Variants in BICD1 observed in about 807,000 individuals in gnomAD.
BICD1 encodes BICD cargo adaptor 1.
In BICD1, 35 loss-of-function variants were observed where a neutral mutation model predicts 92.5. The observed-to-expected ratio is 0.38, with a 90% CI of 0.29 to 0.50. BICD1 has a LOEUF of 0.50. BICD1 is among the 20% of genes least tolerant of loss of function. The pLI is 0.93. For synonymous variants in BICD1, 429 were observed against 465.1 expected, an observed-to-expected ratio of 0.92 and a Z score of 1.00; for missense variants, 950 against 1,189.8, an observed-to-expected ratio of 0.80 and a Z score of 2.97.
intron 2 of BICD1, among the ~76,000 whole-genome samples, chr12:32,282,022 GATT>G (rs1261340011): frequency 1.3e-5 from 2 of 152,100 alleles, no homozygotes; most frequent in African/African-American, 2.4e-5. Flanking sequence ...ACTAAAATCA[GATT>G]ATGTGAGTGT....
At chr12:32,115,162 T>C (rs1178733804) in intron 1 of BICD1, among the ~76,000 whole-genome samples, 2 of 152,204 alleles carry the variant, frequency 1.3e-5, no homozygotes, top group African/African-American at 4.8e-5. Flanking sequence ...CAGCCTTTTC[T>C]ATTTTTCATT....
chr12:32,289,980 GA>G (rs563036475), intron 2 of BICD1, among the ~76,000 whole-genome samples: 181 of 152,248 alleles, frequency 1.2e-3, no homozygotes, highest in African/African-American at 4.0e-3. Flanking sequence ...AAAACAGAGG[GA>G]AGCTGTAAAG....
intron 2 of BICD1, among the ~76,000 whole-genome samples, chr12:32,235,711 T>C (rs142022739): frequency 0.12 from 18,136 of 150,814 alleles, 1,787 homozygotes; most frequent in African/African-American, 0.27. Context: ...TCTTTTTTTT[T>C]TTTTTTTTAG....
intron 2 of BICD1, among the ~76,000 whole-genome samples, chr12:32,231,014 A>T (rs939639617): frequency 7.9e-5 from 12 of 152,214 alleles, no homozygotes; most frequent in Admixed American, 3.9e-4. Context: ...TGATTTGGAA[A>T]GTGATATTAT....
chr12:32,218,900 A>G (rs2121558338), intron 2 of BICD1, among the ~76,000 whole-genome samples: 1 of 152,322 alleles, frequency 6.6e-6, no homozygotes, highest in Middle Eastern at 3.4e-3. Flanking sequence ...GAGAATTATT[A>G]TTAACATTTA....
intron 1 of BICD1, among the ~76,000 whole-genome samples, chr12:32,133,867 C>T (rs144139048): frequency 0.016 from 2,442 of 151,586 alleles, 24 homozygotes; most frequent in African/African-American, 0.026. Flanking sequence ...CTGCAACCTC[C>T]GCCTCCCGGG....
At chr12:32,182,943 G>A (rs1166805861) in intron 1 of BICD1, among the ~76,000 whole-genome samples, 3 of 140,894 alleles carry the variant, frequency 2.1e-5, no homozygotes, top group East Asian at 4.2e-4. Flanking sequence ...TGACAAGGCT[G>A]GAATGCAGTG....
rs530606086 is a variant in BICD1, at chr12:32,178,666, C to T, written c.214-37581C>T. 1.1e-4 allele frequency among the ~76,000 whole-genome samples: 16 copies of T among 152,084 alleles called. 1 individual carries two copies. Among genetic ancestry groups the T allele is most frequent in the Admixed American group, 2.6e-4 (4 of 15,256 alleles). On this transcript the variant is annotated intron_variant, in intron 1 of 9. Transcript: ENST00000652176. ...TTGATTCAAGTTGGAGCCACTGCTC[C>T]GGGCTGTTCTATCTAGTGGATGGAC...
intron 1 of BICD1, among the ~76,000 whole-genome samples, chr12:32,160,737 G>A (rs1168326505): frequency 6.6e-6 from 1 of 152,180 alleles, no homozygotes; most frequent in Non-Finnish European, 1.5e-5. Context: ...AGTAAGGTGG[G>A]TAGATATTCC....
chr12:32,369,221 A>G (rs187696176), intron 9 of BICD1, among the ~76,000 whole-genome samples: 20 of 152,324 alleles, frequency 1.3e-4, no homozygotes, highest in African/African-American at 4.6e-4. Flanking sequence ...GAACCTCCAC[A>G]CAGCGTCTCA....
chr12:32,273,573 A>G (rs1947198192), intron 2 of BICD1, among the ~76,000 whole-genome samples: 1 of 152,212 alleles, frequency 6.6e-6, no homozygotes, highest in Admixed American at 6.5e-5. Flanking sequence ...CTGAAACTGG[A>G]TGATTAAACC....
rs901290436 is a variant in BICD1 at position 32,313,662 on chromosome 12, A to G, written c.1005+7540A>G. On this transcript the variant is annotated intron_variant, in intron 4 of 9. Coordinates refer to ENST00000652176, the MANE Select transcript of BICD1 (RefSeq NM_001714.4). The surrounding 1 kb of genome is among the most constrained non-coding windows in gnomAD (Gnocchi z 4.2). ...TACAAAGCTGACAAATGGCTAAACT[A>G]TTACAGATTTTATAGTTAGAGATTA... is the stretch of plus-strand genomic sequence containing the variant. Among the ~76,000 whole-genome samples, 4 of 152,222 alleles carry G rather than the reference A, an allele frequency of 2.6e-5. No individual in the cohort carries two copies. The highest frequency in any genetic ancestry group is 7.2e-5 in the African/African-American group (3 of 41,452).
chr12:32,215,034 G>T (rs546800165), intron 1 of BICD1, among the ~76,000 whole-genome samples: 2 of 152,272 alleles, frequency 1.3e-5, no homozygotes, highest in East Asian at 3.9e-4. Flanking sequence ...TTTGAGACCA[G>T]CCTGGCCAAC....
chr12:32,230,204 A>T (rs1945835884), intron 2 of BICD1, among the ~76,000 whole-genome samples: 1 of 151,944 alleles, frequency 6.6e-6, no homozygotes, highest in African/African-American at 2.4e-5. Context: ...GAGTCATGGG[A>T]GTGAGTGCCT....
chr12:32,189,013 T>G (rs1422015781), intron 1 of BICD1, among the ~76,000 whole-genome samples: 1 of 152,200 alleles, frequency 6.6e-6, no homozygotes, highest in Admixed American at 6.5e-5. Flanking sequence ...TAAGTATCTT[T>G]ATCGCACATG....
intron 1 of BICD1, among the ~76,000 whole-genome samples, chr12:32,142,035 G>T (rs1288883303): frequency 6.6e-6 from 1 of 151,966 alleles, no homozygotes. Flanking sequence ...AGGAGAGAGC[G>T]GATTCTTTTC....
chr12:32,373,237 A>G (rs1939805720), intron 9 of BICD1, among the ~76,000 whole-genome samples: 1 of 152,202 alleles, frequency 6.6e-6, no homozygotes, highest in Non-Finnish European at 1.5e-5. Context: ...TTTAGCAATC[A>G]CAACTGAAAC....
intron 8 of BICD1, among the ~76,000 whole-genome samples, chr12:32,363,766 G>T (rs905523264): frequency 6.6e-6 from 1 of 152,110 alleles, no homozygotes; most frequent in Non-Finnish European, 1.5e-5. Context: ...ATCATAGGAG[G>T]CAATACAGTG....
At chr12:32,116,684 ATT>A (rs60228795) in intron 1 of BICD1, among the ~76,000 whole-genome samples, 58,547 of 146,894 alleles carry the variant, frequency 0.4, 11,949 homozygotes, top group East Asian at 0.56. Context: ...TATGCTGGCT[ATT>A]TTTTTTTTTT....
Sources: allele counts gnomAD v4.1 joint callset (sites outside exome capture counted in the v4.1 genomes callset), GRCh38; gene constraint gnomAD v4.1.1; non-coding constraint Gnocchi (gnomAD v3.1); transcripts MANE v1.5; gene names NCBI Gene and HGNC (gene_info 2026-07-23, HGNC 2026-07-21).